Variants in NIBAN1 observed in about 807,000 individuals in gnomAD.
NIBAN1 encodes protein Niban 1.
Under a neutral mutation model 75.1 loss-of-function variants are expected in NIBAN1, and 81 were observed. That is an observed-to-expected ratio of 1.08 (90% CI 0.90 to 1.30). The LOEUF (loss-of-function observed/expected upper bound fraction) is 1.30. Ranked by LOEUF, NIBAN1 falls within the 50% of genes most tolerant of loss-of-function variation. NIBAN1 has a pLI of 0.00. For synonymous variants in NIBAN1, 436 were observed against 424.8 expected (o/e 1.03, Z -0.32); for missense variants, 1,133 against 1,128.1 (o/e 1.00, Z -0.06).
rs1653789554 is a variant in NIBAN1, at chr1:184,794,747, T to C, written c.*230A>G. Reference sequence around the variant, plus strand: ...CCCTCTCACCCCAAGTATGCCATTGTCTTTGTAATTCTTATTAAAATACTA... The same window carrying C: ...CCCTCTCACCCCAAGTATGCCATTGCCTTTGTAATTCTTATTAAAATACTA... On this transcript the variant is annotated 3_prime_UTR_variant, in exon 14 of 14. Transcript: ENST00000367511. 1 of 600,886 alleles carries C rather than the reference T, an allele frequency of 1.7e-6. No individual in the cohort carries two copies. Among genetic ancestry groups the C allele is most frequent in the South Asian group, 2.0e-5 (1 of 50,796 alleles). The allele number at this position is 600,886 out of a possible 1,614,324, so 37.2% of individuals were successfully genotyped here.
chr1:184,808,255 A>G lies in NIBAN1; in HGVS notation c.1174-20T>C, dbSNP rs1654265255. ...TAGATGCTGCATTTTGGTGAAGGGA[A>G]ACATTAAACACCCTCAGAATGAGGA... On this transcript the variant is annotated intron_variant, in intron 9 of 13. Coordinates refer to ENST00000367511, the MANE Select transcript of NIBAN1 (RefSeq NM_052966.4). 1 of 1,611,884 alleles carries G rather than the reference A, an allele frequency of 6.2e-7. No homozygotes were observed. Among genetic ancestry groups the G allele is most frequent in the Non-Finnish European group, 8.5e-7 (1 of 1,178,418 alleles).
chr1:184,955,337 C>A (rs1204778084), intron 1 of NIBAN1, among the ~76,000 whole-genome samples: 2 of 146,104 alleles, frequency 1.4e-5, no homozygotes, highest in African/African-American at 2.6e-5. Flanking sequence ...CTTTCCTTTC[C>A]TTTCCTTTCC....
chr1:184,806,762 C>CTT (rs397863517), intron 10 of NIBAN1, among the ~76,000 whole-genome samples: 59 of 131,178 alleles, frequency 4.5e-4, no homozygotes, highest in Non-Finnish European at 4.8e-4. Flanking sequence ...CAATATATAC[C>CTT]TTTTTTTTTT....
At chr1:184,835,318 C>T (rs529744555) in intron 5 of NIBAN1, among the ~76,000 whole-genome samples, 1 of 152,292 alleles carries the variant, frequency 6.6e-6, no homozygotes, top group Admixed American at 6.5e-5. Context: ...ATTGTCTTGG[C>T]AATGTGGGCT....
At chr1:184,940,584 T>C (rs1658066077) in intron 1 of NIBAN1, among the ~76,000 whole-genome samples, 1 of 152,198 alleles carries the variant, frequency 6.6e-6, no homozygotes, top group Admixed American at 6.5e-5. Flanking sequence ...TGTAAATTAG[T>C]ATACCACAGT....
At chr1:184,923,156 G>C (rs1404016968) in intron 1 of NIBAN1, among the ~76,000 whole-genome samples, 1 of 152,190 alleles carries the variant, frequency 6.6e-6, no homozygotes, top group Non-Finnish European at 1.5e-5. Flanking sequence ...ATGTCCTAGA[G>C]AGTTTCCCTA....
chr1:184,857,742 T>C (rs1655716104), intron 5 of NIBAN1, among the ~76,000 whole-genome samples: 1 of 152,162 alleles, frequency 6.6e-6, no homozygotes, highest in Non-Finnish European at 1.5e-5. Flanking sequence ...TCTTTTCATA[T>C]GTATATGTGT....
At chr1:184,968,804 TTC>T (rs1392042636) in intron 1 of NIBAN1, among the ~76,000 whole-genome samples, 6 of 152,140 alleles carry the variant, frequency 3.9e-5, no homozygotes, top group Non-Finnish European at 8.8e-5. Flanking sequence ...GTTTCTTTCT[TTC>T]TTTCTTTCTT....
chr1:184,910,374 G>C (rs1426323805), intron 1 of NIBAN1, among the ~76,000 whole-genome samples: 1 of 152,098 alleles, frequency 6.6e-6, no homozygotes, highest in African/African-American at 2.4e-5. Flanking sequence ...AGAGCTGGAT[G>C]GGATCACAAT....
chr1:184,842,613 C>T (rs564899727), intron 5 of NIBAN1, among the ~76,000 whole-genome samples: 18 of 152,130 alleles, frequency 1.2e-4, no homozygotes, highest in African/African-American at 4.3e-4. Flanking sequence ...ATTAGCCGGG[C>T]GTGGTGGCGG....
intron 5 of NIBAN1, among the ~76,000 whole-genome samples, chr1:184,851,709 A>G (rs940182711): frequency 2.6e-5 from 4 of 152,170 alleles, no homozygotes; most frequent in African/African-American, 9.6e-5. Context: ...AAGTAATGCA[A>G]AACATGAGGA....
chr1:184,916,508 C>A (rs1343851771), intron 1 of NIBAN1, among the ~76,000 whole-genome samples: 4 of 152,052 alleles, frequency 2.6e-5, no homozygotes, highest in Non-Finnish European at 4.4e-5. Flanking sequence ...AAATCCAATT[C>A]ATTAACTTCC....
At chr1:184,825,475 T>C (rs1005870826) in intron 6 of NIBAN1, among the ~76,000 whole-genome samples, 1 of 152,094 alleles carries the variant, frequency 6.6e-6, no homozygotes, top group African/African-American at 2.4e-5. Flanking sequence ...CAAACAAATA[T>C]TTGGAACATT....
At position 184,899,269 on chromosome 1, in the gene NIBAN1, G is replaced by A. The variant is rs1656883748; in HGVS notation, c.96C>T (p.Tyr32=). ...AGAAAGCCACAGAGTACTGACGACT[G>A]TAGTAGGGACTGAAGTTTTTGATGG... ...EAAIKNFSPY[Y]SRQYSVAFCN... is the part of the protein sequence containing the mutation. Residue 32 remains tyrosine, a synonymous_variant, in exon 2 of 14, where the codon TAC becomes TAT. Transcript: ENST00000367511. 8 of 1,613,892 alleles carry A rather than the reference G, an allele frequency of 5.0e-6. No individual in the cohort carries two copies. Among genetic ancestry groups the A allele is most frequent in the Non-Finnish European group, 4.2e-6 (5 of 1,179,828 alleles).
intron 3 of NIBAN1, 61 bp downstream of exon 3, chr1:184,894,014 T>C (rs1656736056): frequency 6.6e-7 from 1 of 1,509,786 alleles, no homozygotes; most frequent in Admixed American, 2.2e-5. Context: ...GGCACACCAA[T>C]CAACCGAGCC....
rs148167203 is a variant in NIBAN1 at position 184,936,313 on chromosome 1, T to G, written c.56-37004A>C. ...TCAGCAGCAGACAGTCTCCCAGGTT[T>G]TGATCCCCTGGAGAGTGAAGGAGCA... is the stretch of plus-strand genomic sequence containing the variant. On this transcript the variant is annotated intron_variant, in intron 1 of 13. Transcript: ENST00000367511. Among the ~76,000 whole-genome samples, 21 of 152,216 alleles carry G rather than the reference T, an allele frequency of 1.4e-4. No homozygotes were observed. The East Asian group carries it at 4.1e-3, about 29-fold the overall frequency.
intron 1 of NIBAN1, among the ~76,000 whole-genome samples, chr1:184,907,073 T>A (rs907847186): frequency 6.6e-6 from 1 of 152,220 alleles, no homozygotes; most frequent in Non-Finnish European, 1.5e-5. Flanking sequence ...AGCACAAAAA[T>A]GTACTGATTA....
At chr1:184,856,684 A>G (rs1357115503) in intron 5 of NIBAN1, among the ~76,000 whole-genome samples, 1 of 152,234 alleles carries the variant, frequency 6.6e-6, no homozygotes, top group Admixed American at 6.5e-5. Flanking sequence ...CTCTGAATAT[A>G]AGGGAACAAG....
chr1:184,805,025 TGATCTGC>T (rs1008960415), intron 11 of NIBAN1, among the ~76,000 whole-genome samples: 4 of 152,186 alleles, frequency 2.6e-5, no homozygotes, highest in African/African-American at 9.6e-5. Context: ...CCTGACCTCG[TGATCTGC>T]CCGCCTCGGC....
Sources: allele counts gnomAD v4.1 joint callset (sites outside exome capture counted in the v4.1 genomes callset), GRCh38; gene constraint gnomAD v4.1.1; transcripts MANE v1.5; gene names NCBI Gene and HGNC (gene_info 2026-07-23, HGNC 2026-07-21).